PABPC4L: variants seen among roughly 807,000 people sequenced by gnomAD.
PABPC4L encodes poly(A) binding protein cytoplasmic 4 like, also known as polyadenylate-binding protein 4-like.
For synonymous variants in PABPC4L, 169 were observed against 164.1 expected, an observed-to-expected ratio of 1.03 and a Z score of -0.23; for missense variants, 452 against 451.4, an observed-to-expected ratio of 1.00 and a Z score of -0.01.
chr4:133,976,170 T>C, the PABPC4L span, among the ~76,000 whole-genome samples: 2 of 152,092 alleles, frequency 1.3e-5, no homozygotes, highest in African/African-American at 2.4e-5. Flanking sequence ...TATGTTCTCA[T>C]TGTTCAGGTT....
chr4:133,991,008 T>C, the PABPC4L span, among the ~76,000 whole-genome samples: 2 of 152,188 alleles, frequency 1.3e-5, no homozygotes, highest in African/African-American at 4.8e-5. Context: ...CTGTTTTTTG[T>C]TTGTTTGTTT....
chr4:134,073,831 A>G, the PABPC4L span, among the ~76,000 whole-genome samples: 1 of 152,210 alleles, frequency 6.6e-6, no homozygotes, highest in East Asian at 1.9e-4. Flanking sequence ...CTTGAGCTGT[A>G]CATTGGGCCA....
the PABPC4L span, among the ~76,000 whole-genome samples, chr4:133,998,257 A>C: frequency 6.6e-6 from 1 of 151,902 alleles, no homozygotes; most frequent in Non-Finnish European, 1.5e-5. Flanking sequence ...AATATGATAT[A>C]TTTAGTTTTG....
chr4:134,087,145 G>A, the PABPC4L span, among the ~76,000 whole-genome samples: 2 of 151,888 alleles, frequency 1.3e-5, no homozygotes, highest in African/African-American at 4.8e-5. Context: ...GTTTATTGCG[G>A]CATTATTCAC....
chr4:134,200,650 T>C lies in PABPC4L; in HGVS notation c.370A>G (p.Ile124Val). 2 of 1,551,614 alleles carry C rather than the reference T, an allele frequency of 1.3e-6. No individual in the cohort carries two copies. Among genetic ancestry groups the C allele is most frequent in the Non-Finnish European group, 1.7e-6 (2 of 1,146,952 alleles). ...TCACTCATCACCTTGGAGGAAAGGA[T>C]CTTTCCAAAAGCTGAAAAATGTTCA... ...LYEHFSAFGKILSSKVMSDDQ... is the reference protein window; with the variant it reads ...LYEHFSAFGKVLSSKVMSDDQ... Residue 124 changes from isoleucine (I) to valine (V), a missense_variant, in exon 2 of 2, where the codon ATC becomes GTC. Transcript: ENST00000421491.
At chr4:134,157,618 A>G in the PABPC4L span, among the ~76,000 whole-genome samples, 1 of 151,850 alleles carries the variant, frequency 6.6e-6, no homozygotes, top group Non-Finnish European at 1.5e-5. Context: ...TTGTTTTTAA[A>G]TTTATGAAAT....
the PABPC4L span, among the ~76,000 whole-genome samples, chr4:134,001,283 A>G: frequency 6.6e-6 from 1 of 151,754 alleles, no homozygotes; most frequent in Non-Finnish European, 1.5e-5. Context: ...AGACAATTAG[A>G]GCACAGATAT....
At chr4:134,110,526 T>C in the PABPC4L span, among the ~76,000 whole-genome samples, 1 of 150,996 alleles carries the variant, frequency 6.6e-6, no homozygotes, top group Admixed American at 6.6e-5. Flanking sequence ...CCCCAACTAA[T>C]AACAGAATAA....
the PABPC4L span, among the ~76,000 whole-genome samples, chr4:134,099,207 G>A: frequency 4.7e-4 from 71 of 151,702 alleles, no homozygotes; most frequent in African/African-American, 1.6e-3. Context: ...ACTCTCCAAT[G>A]TTTTTGCTGT....
chr4:134,074,116 T>G, the PABPC4L span, among the ~76,000 whole-genome samples: 1 of 152,340 alleles, frequency 6.6e-6, no homozygotes, highest in South Asian at 2.1e-4. Flanking sequence ...TTTTGTTTTC[T>G]ATTGCATTGT....
the PABPC4L span, among the ~76,000 whole-genome samples, chr4:134,072,032 A>G: frequency 2.1e-5 from 3 of 144,570 alleles, no homozygotes; most frequent in Admixed American, 7.1e-5. Context: ...ACAAATTAAT[A>G]TAAGCATAAT....
the PABPC4L span, among the ~76,000 whole-genome samples, chr4:134,004,415 G>C: frequency 5.3e-5 from 8 of 151,974 alleles, no homozygotes; most frequent in East Asian, 1.5e-3. Context: ...AGTCATCAGG[G>C]AAATGCATAT....
At chr4:134,101,488 A>G in the PABPC4L span, among the ~76,000 whole-genome samples, 1 of 151,434 alleles carries the variant, frequency 6.6e-6, no homozygotes, top group Non-Finnish European at 1.5e-5. Context: ...TCCTTGGATT[A>G]ATTTGAAGTT....
chr4:134,091,171 C>T, the PABPC4L span, among the ~76,000 whole-genome samples: 2 of 152,142 alleles, frequency 1.3e-5, no homozygotes, highest in African/African-American at 4.8e-5. Context: ...TTCAAACTTA[C>T]TTTTGTGTCT....
At chr4:134,081,733 A>T in the PABPC4L span, among the ~76,000 whole-genome samples, 1 of 152,234 alleles carries the variant, frequency 6.6e-6, no homozygotes, top group East Asian at 1.9e-4. Context: ...TGTAAAAAAA[A>T]GAAAAAAGAA....
chr4:134,137,069 G>T, the PABPC4L span, among the ~76,000 whole-genome samples: 1 of 151,964 alleles, frequency 6.6e-6, no homozygotes, highest in Non-Finnish European at 1.5e-5. Context: ...TAAATGTCAA[G>T]AGCAAGGGAG....
the PABPC4L span, among the ~76,000 whole-genome samples, chr4:134,058,905 T>A: frequency 6.6e-6 from 1 of 151,812 alleles, no homozygotes; most frequent in East Asian, 1.9e-4. Flanking sequence ...TAGTTTAGAG[T>A]GTTAACTGAT....
At chr4:134,183,874 A>C in the PABPC4L span, among the ~76,000 whole-genome samples, 4 of 151,674 alleles carry the variant, frequency 2.6e-5, no homozygotes, top group East Asian at 3.9e-4. Context: ...TAAATGTATC[A>C]AAAAAAGCCA....
the PABPC4L span, among the ~76,000 whole-genome samples, chr4:134,065,532 C>T: frequency 1.3e-5 from 2 of 151,854 alleles, no homozygotes; most frequent in African/African-American, 4.8e-5. Flanking sequence ...TTTATATTTA[C>T]ATTGTCTGCA....
Sources: gnomAD v4.1 joint callset for allele counts (sites outside exome capture counted in the v4.1 genomes callset) on GRCh38, gnomAD v4.1.1 for gene constraint, MANE v1.5 for transcripts, NCBI Gene and HGNC (gene_info 2026-07-23, HGNC 2026-07-21) for gene names.